Variants in USP43 observed in about 807,000 individuals in gnomAD.
The protein encoded by USP43 is ubiquitin specific peptidase 43.
A neutral mutation model predicts 90.7 loss-of-function variants in USP43; 33 were observed. The observed-to-expected ratio is 0.36, with a 90% CI of 0.28 to 0.49. The LOEUF (loss-of-function observed/expected upper bound fraction) is 0.49. Among genes scored for constraint, USP43 ranks in the 20% least tolerant of loss-of-function variants. The pLI, the probability that USP43 is intolerant of heterozygous loss-of-function variation, is 0.98. For synonymous variants in USP43, 598 were observed against 615.8 expected (o/e 0.97, Z 0.43); for missense variants, 1,274 against 1,476.4 (o/e 0.86, Z 2.25).
chr17:9,666,835 T>C, intron 3 of USP43, 84 bp downstream of exon 3: 2 of 1,098,148 alleles, frequency 1.8e-6, no homozygotes, highest in South Asian at 2.7e-5. Flanking sequence ...TTGACAGATT[T>C]ACCCTGAGAT....
At chr17:9,679,038 C>T (rs1156755327) in intron 5 of USP43, among the ~76,000 whole-genome samples, 1 of 152,040 alleles carries the variant, frequency 6.6e-6, no homozygotes, top group Non-Finnish European at 1.5e-5. Flanking sequence ...ATCCCTTCTC[C>T]ACCTCCAACT....
At chr17:9,664,636 AT>A (rs371778793) in intron 2 of USP43, among the ~76,000 whole-genome samples, 1,674 of 134,184 alleles carry the variant, frequency 0.012, 11 homozygotes, top group African/African-American at 0.03. Flanking sequence ...CCTTGCATAG[AT>A]TTTTTTTTTT....
chr17:9,649,265 CCA>C (rs1333110824), intron 1 of USP43, among the ~76,000 whole-genome samples: 2 of 152,136 alleles, frequency 1.3e-5, no homozygotes, highest in African/African-American at 4.8e-5. Flanking sequence ...CGAGATCGTG[CCA>C]CTGTACTCTG....
chr17:9,703,641 G>A (rs528890296), intron 12 of USP43, among the ~76,000 whole-genome samples: 3 of 152,270 alleles, frequency 2.0e-5, no homozygotes, highest in East Asian at 3.9e-4. Context: ...CTGGCGAGGC[G>A]GTAGGCAGGG....
At chr17:9,676,472 C>A (rs943896365) in intron 4 of USP43, among the ~76,000 whole-genome samples, 3 of 152,152 alleles carry the variant, frequency 2.0e-5, no homozygotes, top group African/African-American at 7.2e-5. Context: ...CAGGTTCAAG[C>A]GATTCTCCTG....
rs185571439 is a variant in USP43, at chr17:9,709,371, C to T, written c.2012-585C>T. ...TTTGGCTACCTAACTTGGGAGCTCC[C>T]TTTTATTTGAGATTTTGCCTGATGA... On this transcript the variant is annotated intron_variant, in intron 12 of 14. Transcript: ENST00000285199. This position sits in a 1 kb window ranked among gnomAD's most constrained non-coding sequence, Gnocchi z 5.0. Among the ~76,000 whole-genome samples, 162 of 152,180 alleles carry T rather than the reference C, an allele frequency of 1.1e-3. No individual in the cohort carries two copies. The highest frequency in any genetic ancestry group is 3.7e-3 in the African/African-American group (153 of 41,536).
intron 1 of USP43, among the ~76,000 whole-genome samples, chr17:9,650,975 A>G (rs1911818174): frequency 6.6e-6 from 1 of 151,908 alleles, no homozygotes; most frequent in Non-Finnish European, 1.5e-5. Context: ...TTCATCCTTC[A>G]CCCGTCTCCT....
At chr17:9,715,552 TTG>T (rs367696221) in intron 14 of USP43, among the ~76,000 whole-genome samples, 17 of 148,642 alleles carry the variant, frequency 1.1e-4, no homozygotes, top group South Asian at 6.5e-4. Flanking sequence ...GTCTGTGTCT[TTG>T]TGTGTGTGTG....
At chr17:9,677,627 C>T (rs765434953) in intron 5 of USP43, among the ~76,000 whole-genome samples, 1 of 152,160 alleles carries the variant, frequency 6.6e-6, no homozygotes, top group Admixed American at 6.5e-5. Context: ...AGGATGGGAG[C>T]GGCCCTCAGG....
chr17:9,663,166 A>G (rs1056208976), intron 2 of USP43, among the ~76,000 whole-genome samples: 1 of 152,092 alleles, frequency 6.6e-6, no homozygotes, highest in Non-Finnish European at 1.5e-5. Context: ...GAGCATCCCT[A>G]TCAGACAGGT....
intron 14 of USP43, among the ~76,000 whole-genome samples, chr17:9,720,183 G>A (rs533383135): frequency 3.3e-5 from 5 of 151,868 alleles, no homozygotes; most frequent in Non-Finnish European, 7.4e-5. Flanking sequence ...AAAATTAGTT[G>A]GGCATGGTGG....
At chr17:9,671,427 T>C (rs1374460614) in intron 3 of USP43, among the ~76,000 whole-genome samples, 2 of 152,176 alleles carry the variant, frequency 1.3e-5, no homozygotes, top group Non-Finnish European at 2.9e-5. Flanking sequence ...TACTGTTGTT[T>C]GCATAGACGT....
In USP43 at chr17:9,674,018, G is replaced by A. The variant is rs1388811448; in HGVS notation, c.741-873G>A. Among the ~76,000 whole-genome samples, 2 of 152,124 alleles carry A rather than the reference G, an allele frequency of 1.3e-5. No individual in the cohort carries two copies. Among genetic ancestry groups the A allele is most frequent in the African/African-American group, 4.8e-5 (2 of 41,428 alleles). On this transcript the variant is annotated intron_variant, in intron 3 of 14. Transcript: ENST00000285199. The surrounding 1 kb of genome is among the most constrained non-coding windows in gnomAD (Gnocchi z 4.4). ...CTCAGGATTTTAGAAAGATTTTGATGTCTGGACCCCTCTCTACCCACCTTG... is the reference window on the plus strand; with the variant it reads ...CTCAGGATTTTAGAAAGATTTTGATATCTGGACCCCTCTCTACCCACCTTG...
Position 9,674,838 on chromosome 17 carries a change from C to G in USP43, c.741-53C>G, listed in dbSNP as rs1913661141. 6.9e-7 allele frequency: 1 copy of G among 1,459,118 alleles called. No homozygotes were observed. Among genetic ancestry groups the G allele is most frequent in the South Asian group, 1.1e-5 (1 of 87,474 alleles). The allele number at this position is 1,459,118 out of a possible 1,614,324, so 90.4% of individuals were successfully genotyped here. On this transcript the variant is annotated intron_variant, in intron 3 of 14. Coordinates refer to ENST00000285199, the MANE Select transcript of USP43 (RefSeq NM_153210.5). The surrounding 1 kb of genome is among the most constrained non-coding windows in gnomAD (Gnocchi z 4.4). ...GGATAATTCTGTATTGAATTTTACC[C>G]CCAAATTGTTTACGTGTGATTAAAC...
intron 8 of USP43, 94 bp downstream of exon 8, chr17:9,687,003 G>A (rs1914634846): frequency 9.0e-7 from 1 of 1,107,190 alleles, no homozygotes; most frequent in Non-Finnish European, 1.3e-6. Flanking sequence ...GGAATTTAGT[G>A]TAGCCCAGGA....
intron 13 of USP43, among the ~76,000 whole-genome samples, chr17:9,711,451 G>A (rs990068175): frequency 5.9e-5 from 9 of 152,048 alleles, no homozygotes; most frequent in Non-Finnish European, 1.3e-4. Flanking sequence ...TTTTTGAGAC[G>A]GAGTTTCGCT....
rs1914530870 is a variant in USP43 at position 9,685,173 on chromosome 17, A to T, written c.1242-1625A>T. On this transcript the variant is annotated intron_variant, in intron 7 of 14. Coordinates refer to ENST00000285199, the MANE Select transcript of USP43 (RefSeq NM_153210.5). Reference sequence around the variant, plus strand: ...CTTGCCTGTCCAGACAGATCACCTCATATTTGTGTTCTGCTTTAGCCAATT... The same window carrying T: ...CTTGCCTGTCCAGACAGATCACCTCTTATTTGTGTTCTGCTTTAGCCAATT... 2.6e-5 allele frequency among the ~76,000 whole-genome samples: 4 copies of T among 152,270 alleles called. No individual in the cohort carries two copies. In the South Asian group the frequency reaches 8.3e-4, roughly 32 times the overall value.
At chr17:9,705,765 A>C (rs1442991981) in intron 12 of USP43, among the ~76,000 whole-genome samples, 2 of 148,808 alleles carry the variant, frequency 1.3e-5, no homozygotes, top group Non-Finnish European at 3.0e-5. Context: ...AAAAAAAAAA[A>C]CAACAACAAC....
At position 9,729,412 on chromosome 17, in the gene USP43, A is replaced by C. The variant is rs1917472050; in HGVS notation, c.*422A>C. On this transcript the variant is annotated 3_prime_UTR_variant, in exon 15 of 15. Coordinates refer to ENST00000285199, the MANE Select transcript of USP43 (RefSeq NM_153210.5). ...TTTTTAAATTGTGGACTTAAAGAAA[A>C]ATATTTTATTTTTAATGCTTTTCTG... 1 of 151,520 alleles carries C rather than the reference A, an allele frequency of 6.6e-6. No homozygotes were observed. Among genetic ancestry groups the C allele is most frequent in the Admixed American group, 6.6e-5 (1 of 15,214 alleles). The allele number at this position is 151,520 out of a possible 1,614,324, so 9.4% of individuals were successfully genotyped here.
Sources: gnomAD v4.1 joint callset for allele counts (sites outside exome capture counted in the v4.1 genomes callset) on GRCh38, gnomAD v4.1.1 for gene constraint, Gnocchi (gnomAD v3.1) non-coding constraint, MANE v1.5 for transcripts, NCBI Gene and HGNC (gene_info 2026-07-23, HGNC 2026-07-21) for gene names.